COL21A1: variants seen among roughly 807,000 people sequenced by gnomAD.
COL21A1 encodes the protein collagen type XXI alpha 1 chain, also known as collagen alpha-1(XXI) chain.
In COL21A1, 149 loss-of-function variants were observed where a neutral mutation model predicts 137.9. The ratio of observed to expected loss-of-function variants is 1.08; its 90% CI spans 0.95 to 1.24. The LOEUF (loss-of-function observed/expected upper bound fraction) is 1.24, where lower values mean the gene tolerates loss of function less well. COL21A1 is among the 50% of genes most tolerant of loss of function. The pLI, the probability that COL21A1 is intolerant of heterozygous loss-of-function variation, is 0.00. For synonymous variants in COL21A1, 456 were observed against 391.5 expected (o/e 1.16, Z -1.95); for missense variants, 1,167 against 1,158.4 (o/e 1.01, Z -0.11).
chr6:56,290,811 AACAACCCACTG>A (rs1387552251), intron 1 of COL21A1, among the ~76,000 whole-genome samples: 1 of 152,068 alleles, frequency 6.6e-6, no homozygotes, highest in Non-Finnish European at 1.5e-5. Flanking sequence ...GGAAGATTTT[AACAACCCACTG>A]ACAACCCAAT....
chr6:56,216,194 G>T (rs927638039), intron 1 of COL21A1, among the ~76,000 whole-genome samples: 2 of 152,054 alleles, frequency 1.3e-5, no homozygotes, highest in Non-Finnish European at 2.9e-5. Flanking sequence ...CAGAACACAT[G>T]TGGAACACTA....
chr6:56,267,610 G>A (rs373415106), intron 1 of COL21A1, among the ~76,000 whole-genome samples: 1 of 152,036 alleles, frequency 6.6e-6, no homozygotes, highest in Non-Finnish European at 1.5e-5. Context: ...ATACAAAACA[G>A]CCAGGCATGG....
At chr6:56,131,623 T>G (rs2152223116) in intron 12 of COL21A1, among the ~76,000 whole-genome samples, 1 of 152,140 alleles carries the variant, frequency 6.6e-6, no homozygotes, top group East Asian at 1.9e-4. Context: ...GTGTGACGCA[T>G]GAAAAGTAAA....
chr6:56,164,553 T>C lies in COL21A1; in HGVS notation c.1288-47A>G, dbSNP rs375431415. 9 of 1,314,534 alleles carry C rather than the reference T, an allele frequency of 6.8e-6. No homozygotes were observed. The African/African-American group carries it at 8.8e-5, about 13-fold the overall frequency. The allele number at this position is 1,314,534 out of a possible 1,614,324, so 81.4% of individuals were successfully genotyped here. On this transcript the variant is annotated intron_variant, in intron 8 of 29. Coordinates refer to ENST00000244728, the MANE Select transcript of COL21A1 (RefSeq NM_030820.4). ...CAGACAACAAGCATGGAAAGACATA[T>C]AAGTACATGCACACGTATGTTTATG...
At chr6:56,191,209 T>C (rs563120465) in intron 1 of COL21A1, among the ~76,000 whole-genome samples, 2 of 152,240 alleles carry the variant, frequency 1.3e-5, no homozygotes, top group East Asian at 1.9e-4. Context: ...GAAAAACCCA[T>C]TGTCTCAGCC....
chr6:56,072,443 T>C (rs1766842071), intron 20 of COL21A1, among the ~76,000 whole-genome samples: 1 of 151,502 alleles, frequency 6.6e-6, no homozygotes, highest in Non-Finnish European at 1.5e-5. Context: ...TCTGCCTCAG[T>C]TTCAGCCTTA....
rs367730520 is a variant in COL21A1, at chr6:56,100,416, C to A, written c.1812+1056G>T. On this transcript the variant is annotated intron_variant, in intron 17 of 29. Transcript: ENST00000244728. ...AAAATTTCCTACGTAAGCTTCACAA[C>A]AACCCTATGAAGTAAGCACTATAAG... 1.8e-3 allele frequency among the ~76,000 whole-genome samples: 275 copies of A among 152,112 alleles called. 6 individuals are homozygous for A. The highest frequency in any genetic ancestry group is 0.017 in the South Asian group (80 of 4,816).
chr6:56,386,876 CTG>C (rs2094019273), intron 1 of COL21A1, among the ~76,000 whole-genome samples: 1 of 152,026 alleles, frequency 6.6e-6, no homozygotes, highest in African/African-American at 2.4e-5. Flanking sequence ...GAAAGTAAAA[CTG>C]TAAGAATTTG....
At chr6:56,125,484 G>T in intron 14 of COL21A1, 83 bp downstream of exon 14, 2 of 918,980 alleles carry the variant, frequency 2.2e-6, no homozygotes, top group Admixed American at 2.1e-5. Flanking sequence ...TTCTAATGCT[G>T]GGTTAGAACT....
intron 10 of COL21A1, among the ~76,000 whole-genome samples, chr6:56,152,554 T>C (rs1775405559): frequency 6.6e-6 from 1 of 152,178 alleles, no homozygotes; most frequent in East Asian, 1.9e-4. Context: ...CACATACATG[T>C]ACTAAATGAG....
chr6:56,357,819 T>A (rs1765868639), intron 1 of COL21A1, among the ~76,000 whole-genome samples: 1 of 152,156 alleles, frequency 6.6e-6, no homozygotes, highest in Non-Finnish European at 1.5e-5. Context: ...AGAAGAGGTA[T>A]CAGTGGCATG....
At chr6:56,280,064 CAA>C (rs1763756533) in intron 1 of COL21A1, among the ~76,000 whole-genome samples, 1 of 152,084 alleles carries the variant, frequency 6.6e-6, no homozygotes, top group Non-Finnish European at 1.5e-5. Flanking sequence ...CGTTACCTTC[CAA>C]ATAATGTTTT....
intron 1 of COL21A1, among the ~76,000 whole-genome samples, chr6:56,372,010 C>G (rs1219051976): frequency 6.6e-6 from 1 of 152,124 alleles, no homozygotes; most frequent in Non-Finnish European, 1.5e-5. Context: ...GACAAGGCAA[C>G]AAGTATTGTG....
At chr6:56,157,035 C>G (rs1775797440) in intron 9 of COL21A1, 86 bp from the exon 10 acceptor site, 2 of 830,124 alleles carry the variant, frequency 2.4e-6, no homozygotes. Flanking sequence ...AAAACCAATT[C>G]CATTATTTGA....
At chr6:56,088,114 A>T (rs1374138134) in intron 17 of COL21A1, among the ~76,000 whole-genome samples, 1 of 152,154 alleles carries the variant, frequency 6.6e-6, no homozygotes, top group Non-Finnish European at 1.5e-5. Context: ...CTGTAATCCT[A>T]GCACTTTGGG....
chr6:56,255,195 C>A (rs376570526), intron 1 of COL21A1, among the ~76,000 whole-genome samples: 11 of 152,162 alleles, frequency 7.2e-5, no homozygotes, highest in Admixed American at 2.0e-4. Context: ...ACATTACAAC[C>A]TGCATTTTCT....
intron 1 of COL21A1, among the ~76,000 whole-genome samples, chr6:56,300,892 C>T (rs1764263734): frequency 6.6e-6 from 1 of 152,134 alleles, no homozygotes; most frequent in South Asian, 2.1e-4. Flanking sequence ...GCTTTATTTA[C>T]CCAATCTAAA....
chr6:56,143,048 TTTCTAATA>T (rs768699487), intron 10 of COL21A1, among the ~76,000 whole-genome samples: 41 of 152,170 alleles, frequency 2.7e-4, no homozygotes, highest in Non-Finnish European at 4.9e-4. Context: ...TCAAGTATCC[TTTCTAATA>T]TTCTTTGCTA....
At chr6:56,334,193 A>G (rs1765290997) in intron 1 of COL21A1, among the ~76,000 whole-genome samples, 1 of 152,148 alleles carries the variant, frequency 6.6e-6, no homozygotes, top group South Asian at 2.1e-4. Flanking sequence ...AATTATGTAT[A>G]TACTTGTCCA....
Sources: allele counts gnomAD v4.1 joint callset (sites outside exome capture counted in the v4.1 genomes callset), GRCh38; gene constraint gnomAD v4.1.1; transcripts MANE v1.5; gene names NCBI Gene and HGNC (gene_info 2026-07-23, HGNC 2026-07-21).